LRRK2: variants seen among roughly 807,000 people sequenced by gnomAD.
LRRK2 encodes leucine-rich repeat serine/threonine-protein kinase 2.
LRRK2 carries 203 observed loss-of-function variants against 302.6 expected under a neutral mutation model. The ratio of observed to expected loss-of-function variants is 0.67; its 90% confidence interval spans 0.60 to 0.75. The LOEUF (loss-of-function observed/expected upper bound fraction) is 0.75, where lower values mean the gene tolerates loss of function less well. LRRK2 is among the 30% of genes least tolerant of loss of function. The pLI is 0.00. For synonymous variants in LRRK2, 1,066 were observed against 1,031.9 expected (o/e 1.03, Z -0.63); for missense variants, 2,830 against 2,951.0 (o/e 0.96, Z 0.95).
chr12:40,350,061 C>G (rs1376515009), intron 43 of LRRK2, among the ~76,000 whole-genome samples: 1 of 152,198 alleles, frequency 6.6e-6, no homozygotes, highest in African/African-American at 2.4e-5. Context: ...TGCTCCCTCT[C>G]CCCGCTCCCT....
Position 40,310,373 on chromosome 12 carries a change from A to G in LRRK2, c.4318-58A>G, listed in dbSNP as rs1944997262. 6 of 1,510,882 alleles carry G rather than the reference A, an allele frequency of 4.0e-6. No homozygotes were observed. The Admixed American group carries it at 1.0e-4, about 25-fold the overall frequency. 93.6% of individuals were successfully genotyped at this position (1,510,882 alleles called of 1,614,324 possible). A position where few individuals can be genotyped will look rare whatever the true frequency, so the allele number is the denominator to read the frequency against. On this transcript the variant is annotated intron_variant, in intron 30 of 50. Coordinates refer to ENST00000298910, the MANE Select transcript of LRRK2 (RefSeq NM_198578.4). The stretch of plus-strand genomic sequence containing the variant: ...TCACGGAAAGCAAATATCAACAGGA[A>G]TGTGAGCAGGCCCAGTTTGAAAGCA...
chr12:40,313,035 G>A (rs1289511328), intron 31 of LRRK2: 1 of 151,894 alleles, frequency 6.6e-6, no homozygotes, highest in African/African-American at 2.4e-5. Flanking sequence ...GTCACAAGTA[G>A]AAAAAGACCA....
chr12:40,366,596 A>G (rs193132042), intron 49 of LRRK2: 84 of 164,576 alleles, frequency 5.1e-4, no homozygotes, highest in African/African-American at 1.9e-3. Context: ...TTGACATAGT[A>G]TCAGTATATC....
rs1404697899 is a variant in LRRK2 at position 40,337,510 on chromosome 12, G to A, written c.5948+2353G>A. On this transcript the variant is annotated intron_variant, in intron 40 of 50. Transcript: ENST00000298910. The stretch of plus-strand genomic sequence containing the variant: ...TTTCTGTTATATCCCACAGTTGCCA[G>A]GCCAGGATACTTGTCCCATCCAGGC... Among the ~76,000 whole-genome samples the A allele has an allele frequency of 2.6e-5, 4 of 152,220 alleles. No homozygotes were observed. The East Asian group carries it at 5.8e-4, about 22-fold the overall frequency.
intron 39 of LRRK2, 61 bp from the exon 40 acceptor site, chr12:40,334,906 A>C: frequency 5.8e-6 from 9 of 1,559,612 alleles, no homozygotes; most frequent in South Asian, 1.1e-5. Flanking sequence ...ACTTTAAAGA[A>C]GGAGATACGT....
intron 12 of LRRK2, among the ~76,000 whole-genome samples, chr12:40,257,629 T>A (rs1942579166): frequency 6.6e-6 from 1 of 152,230 alleles, no homozygotes; most frequent in Non-Finnish European, 1.5e-5. Context: ...GTTGACTATA[T>A]TTTGAAAAGT....
chr12:40,239,885 CAT>C (rs1361660434), intron 5 of LRRK2, among the ~76,000 whole-genome samples: 2 of 152,124 alleles, frequency 1.3e-5, no homozygotes, highest in African/African-American at 4.8e-5. Context: ...TAATTTTATA[CAT>C]GTTTTTCAGG....
At chr12:40,341,275 G>A (rs1946035252) in intron 41 of LRRK2, among the ~76,000 whole-genome samples, 2 of 152,300 alleles carry the variant, frequency 1.3e-5, no homozygotes, top group South Asian at 4.1e-4. Context: ...TCATCTTGCT[G>A]ATTGCAACTC....
intron 25 of LRRK2, among the ~76,000 whole-genome samples, chr12:40,302,036 G>A (rs1427087354): frequency 6.6e-6 from 1 of 151,950 alleles, no homozygotes; most frequent in Non-Finnish European, 1.5e-5. Flanking sequence ...AAATTAGCTG[G>A]ACATGATGGC....
rs373259224 is a variant in LRRK2, at chr12:40,309,308, T to A, written c.4317+75T>A. 7.3e-7 allele frequency: 1 copy of A among 1,376,786 alleles called. No individual in the cohort carries two copies. The highest frequency in any genetic ancestry group is 2.4e-5 in the Admixed American group (1 of 42,044). 85.3% of individuals were successfully genotyped at this position (1,376,786 alleles called of 1,614,324 possible). On this transcript the variant is annotated intron_variant, in intron 30 of 50. Coordinates refer to ENST00000298910, the MANE Select transcript of LRRK2 (RefSeq NM_198578.4). ...TGCGTGTGTGTGTGTGTGTGTAAGT[T>A]AATTTATTTTGGGCAAACAATTGCT...
rs1304760254 is a variant in LRRK2, at chr12:40,277,321, C to T, written c.1942-567C>T. Among the ~76,000 whole-genome samples the T allele has an allele frequency of 2.0e-5, 3 of 152,098 alleles. No individual in the cohort carries two copies. In the East Asian group the frequency reaches 5.8e-4, roughly 29 times the overall value. ...AAGTAACGGTGTTCTTTATAAATAA[C>T]TTATTATTAGAATGTAATCCTCAGA... On this transcript the variant is annotated intron_variant, in intron 16 of 50. Transcript: ENST00000298910.
In LRRK2 at chr12:40,232,428, T is replaced by C. The variant is rs1352879; in HGVS notation, c.347+45T>C. 0.99 allele frequency: 1,388,813 copies of C among 1,404,980 alleles called. 687,806 individuals are homozygous for C. Among genetic ancestry groups the C allele is most frequent in the East Asian group, 1 (43,912 of 43,912 alleles). The allele number at this position is 1,404,980 out of a possible 1,614,324, so 87.0% of individuals were successfully genotyped here. The stretch of plus-strand genomic sequence containing the variant: ...AAAACAAATGGCCTTGAGTATTTAT[T>C]TGTACACATGACAACCTTCCCTTGA... On this transcript the variant is annotated intron_variant, in intron 3 of 50. Coordinates refer to ENST00000298910, the MANE Select transcript of LRRK2 (RefSeq NM_198578.4).
intron 14 of LRRK2, among the ~76,000 whole-genome samples, chr12:40,265,984 C>T (rs1234590101): frequency 6.6e-6 from 1 of 152,162 alleles, no homozygotes; most frequent in African/African-American, 2.4e-5. Flanking sequence ...TTCCTTACAC[C>T]TTATACAAAA....
intron 39 of LRRK2, among the ~76,000 whole-genome samples, chr12:40,331,685 G>C (rs1945717021): frequency 6.6e-6 from 1 of 152,074 alleles, no homozygotes; most frequent in South Asian, 2.1e-4. Context: ...TGCGACCTGT[G>C]GGCCACAAGT....
intron 3 of LRRK2, among the ~76,000 whole-genome samples, chr12:40,233,714 C>T (rs907673730): frequency 6.6e-6 from 1 of 152,160 alleles, no homozygotes; most frequent in African/African-American, 2.4e-5. Context: ...AAAGATGAGC[C>T]AGTCTATAAC....
rs201182268 is a variant in LRRK2 at position 40,314,162 on chromosome 12, T to C, written c.4727T>C (p.Leu1576Pro). 1 of 1,612,326 alleles carries C rather than the reference T, an allele frequency of 6.2e-7. No homozygotes were observed. ...ENELPHAVHFLNESGVLLHFQ... is the reference protein window; with the variant it reads ...ENELPHAVHFPNESGVLLHFQ... ...GAGCTTCCTCACGCAGTTCACTTTC[T>C]AAATGAATCAGGTTTGTGTTTTTCG... Residue 1576 changes from leucine to proline, a missense_variant, in exon 32 of 51, where the codon CTA (leucine) becomes CCA (proline). Leu to Pro is a moderately conservative substitution (Grantham distance 98). Transcript: ENST00000298910.
At chr12:40,298,811 ATAATATAT>A (rs1179867276) in intron 24 of LRRK2, among the ~76,000 whole-genome samples, 1 of 108,278 alleles carries the variant, frequency 9.2e-6, no homozygotes, top group African/African-American at 3.4e-5. Context: ...TATATGTATT[ATAATATAT>A]AATACATATA....
chr12:40,342,371 T>C (rs776323233), intron 41 of LRRK2, among the ~76,000 whole-genome samples: 14 of 152,184 alleles, frequency 9.2e-5, no homozygotes, highest in Non-Finnish European at 1.8e-4. Flanking sequence ...TAATCTCCAA[T>C]ATTGAATGGT....
chr12:40,296,495 G>C, intron 23 of LRRK2, among the ~76,000 whole-genome samples: 1 of 151,866 alleles, frequency 6.6e-6, no homozygotes, highest in East Asian at 1.9e-4. Context: ...AGCCAGGTGT[G>C]GTGGGGTGCA....
Sources: gnomAD v4.1 joint callset for allele counts (sites outside exome capture counted in the v4.1 genomes callset) on GRCh38, gnomAD v4.1.1 for gene constraint, MANE v1.5 for transcripts, NCBI Gene and HGNC (gene_info 2026-07-23, HGNC 2026-07-21) for gene names.